The following COL15A1 variants were observed in gnomAD, a reference collection of about 807,000 sequenced individuals.
The protein encoded by COL15A1 is collagen type XV alpha 1 chain.
Under a neutral mutation model 165.9 loss-of-function variants are expected in COL15A1, and 111 were observed. The ratio of observed to expected loss-of-function variants is 0.67; its 90% CI spans 0.57 to 0.78. The LOEUF (loss-of-function observed/expected upper bound fraction) is 0.78, where lower values mean the gene tolerates loss of function less well. COL15A1 is among the 30% of genes least tolerant of loss of function. COL15A1 has a pLI of 0.00. For missense variants in COL15A1, 1,745 were observed against 1,789.7 expected (o/e 0.98, Z 0.45); for synonymous variants, 659 against 674.8 (o/e 0.98, Z 0.36).
chr9:99,018,783 G>T (rs1403413085), intron 11 of COL15A1, among the ~76,000 whole-genome samples: 1 of 152,204 alleles, frequency 6.6e-6, no homozygotes, highest in African/African-American at 2.4e-5. Flanking sequence ...ATATTGTGTG[G>T]TTAACTATTT....
chr9:99,008,617 A>ATTTTTTTTTTTTTTTTTTT, intron 9 of COL15A1, among the ~76,000 whole-genome samples: 1 of 151,240 alleles, frequency 6.6e-6, no homozygotes, highest in Non-Finnish European at 1.5e-5. Flanking sequence ...TATTTTACTC[A>ATTTTTTTTTTTTTTTTTTT]TTTTTTTTTG....
chr9:99,023,434 T>C lies in COL15A1; in HGVS notation c.1839T>C (p.Ser613=). 7.0e-7 allele frequency: 1 copy of C among 1,428,710 alleles called. No homozygotes were observed. Among genetic ancestry groups the C allele is most frequent in the Non-Finnish European group, 9.9e-7 (1 of 1,011,934 alleles). 88.5% of individuals were successfully genotyped at this position (1,428,710 alleles called of 1,614,324 possible). The change falls in exon 14 of 42, where the codon AGT becomes AGC. Residue 613 remains serine (S), a synonymous_variant. Coordinates refer to ENST00000375001, the MANE Select transcript of COL15A1 (RefSeq NM_001855.5). The part of the protein sequence containing the change: ...VGSGSGDLVG[S]EQLLRGPPGP... ...CTGGCTCTGGTGACCTGGTGGGCAG[T>C]GAGCAGCTGCTGAGAGTGAGTGTGA...
chr9:99,064,964 T>C (rs1322555058), intron 39 of COL15A1, among the ~76,000 whole-genome samples: 4 of 152,110 alleles, frequency 2.6e-5, no homozygotes, highest in Admixed American at 6.5e-5. Context: ...GAGAAGAAAA[T>C]AGTAACACAC....
chr9:99,034,118 C>T (rs1484636842), intron 16 of COL15A1, among the ~76,000 whole-genome samples: 1 of 152,156 alleles, frequency 6.6e-6, no homozygotes, highest in Non-Finnish European at 1.5e-5. Flanking sequence ...AGTCATCATC[C>T]CCCATATATC....
chr9:99,056,552 A>G, intron 35 of COL15A1, 148 bp downstream of exon 35: 1 of 1,272,500 alleles, frequency 7.9e-7, no homozygotes, highest in Non-Finnish European at 1.0e-6. Context: ...ATTGAGATAC[A>G]ATTTGCACAT....
chr9:99,034,621 T>TGTTCTCC, intron 17 of COL15A1, 37 bp downstream of exon 17: 2 of 1,329,786 alleles, frequency 1.5e-6, no homozygotes, highest in Non-Finnish European at 9.6e-7. Context: ...AAAAGAACTT[T>TGTTCTCC]CTTCTCCCTC....
chr9:99,069,619 A>C (rs1825951514), intron 41 of COL15A1, 54 bp from the exon 42 acceptor site: 9 of 1,576,444 alleles, frequency 5.7e-6, no homozygotes, highest in Non-Finnish European at 7.8e-6. Context: ...CTTACCAAAA[A>C]ATACCACAAA....
At chr9:99,006,657 C>T (rs1441614380) in intron 9 of COL15A1, among the ~76,000 whole-genome samples, 1 of 149,636 alleles carries the variant, frequency 6.7e-6, no homozygotes, top group Non-Finnish European at 1.5e-5. Context: ...CCTTTCCTTT[C>T]TCCTCCTCTT....
chr9:98,989,065 CGGTT>C, intron 4 of COL15A1, 109 bp from the exon 5 acceptor site: 1 of 739,410 alleles, frequency 1.4e-6, no homozygotes, highest in Non-Finnish European at 2.4e-6. Flanking sequence ...CACACACACA[CGGTT>C]TCCCTGTAGG....
intron 4 of COL15A1, among the ~76,000 whole-genome samples, chr9:98,988,591 T>C (rs1320326233): frequency 6.6e-6 from 1 of 152,128 alleles, no homozygotes; most frequent in Non-Finnish European, 1.5e-5. Context: ...GAAATCATTG[T>C]GTATTCTGTT....
chr9:99,050,422 G>A (rs1009316975), intron 30 of COL15A1, among the ~76,000 whole-genome samples: 1 of 152,218 alleles, frequency 6.6e-6, no homozygotes, highest in Non-Finnish European at 1.5e-5. Flanking sequence ...GGACTTGACT[G>A]AGCTGGGATC....
intron 26 of COL15A1, among the ~76,000 whole-genome samples, chr9:99,046,850 C>A (rs1036388421): frequency 1.3e-5 from 2 of 152,226 alleles, no homozygotes; most frequent in Admixed American, 1.3e-4. Context: ...GGCCTGTGCC[C>A]TGTCAACCCC....
chr9:98,989,905 G>A (rs1838386382), intron 5 of COL15A1, among the ~76,000 whole-genome samples: 1 of 152,208 alleles, frequency 6.6e-6, no homozygotes, highest in African/African-American at 2.4e-5. Context: ...TGAAAGCACT[G>A]AGTCAGACTG....
At chr9:98,945,916 A>G (rs1186531444) in intron 2 of COL15A1, among the ~76,000 whole-genome samples, 3 of 152,144 alleles carry the variant, frequency 2.0e-5, no homozygotes, top group Non-Finnish European at 4.4e-5. Context: ...CCTCAGTGTC[A>G]GGGCTGTTGT....
chr9:98,948,778 G>C (rs567483064), intron 2 of COL15A1, among the ~76,000 whole-genome samples: 1 of 152,194 alleles, frequency 6.6e-6, no homozygotes, highest in South Asian at 2.1e-4. Context: ...TCCAGGTAGG[G>C]ATGGTGGTGT....
At chr9:98,981,793 G>C (rs1431362270) in intron 2 of COL15A1, among the ~76,000 whole-genome samples, 1 of 152,092 alleles carries the variant, frequency 6.6e-6, no homozygotes, top group Non-Finnish European at 1.5e-5. Context: ...GCACATACTT[G>C]TTCCTCATAA....
intron 9 of COL15A1, among the ~76,000 whole-genome samples, chr9:99,007,470 T>C (rs1230500988): frequency 1.3e-5 from 2 of 152,216 alleles, no homozygotes; most frequent in African/African-American, 4.8e-5. Context: ...GTCTCTAGTT[T>C]CAGGTTTAGT....
intron 22 of COL15A1, among the ~76,000 whole-genome samples, chr9:99,039,019 A>G (rs1839354696): frequency 6.6e-6 from 1 of 152,228 alleles, no homozygotes; most frequent in Non-Finnish European, 1.5e-5. Context: ...TCTGTTGCAC[A>G]CTTTTGGCCT....
intron 24 of COL15A1, among the ~76,000 whole-genome samples, chr9:99,042,941 G>T (rs575170178): frequency 6.6e-6 from 1 of 152,294 alleles, no homozygotes; most frequent in East Asian, 1.9e-4. Context: ...GACCCGTGTG[G>T]TGTGCCAGGC....
Sources: gnomAD v4.1 joint callset for allele counts (sites outside exome capture counted in the v4.1 genomes callset) on GRCh38, gnomAD v4.1.1 for gene constraint, MANE v1.5 for transcripts, NCBI Gene and HGNC (gene_info 2026-07-23, HGNC 2026-07-21) for gene names.